The following FMNL2 variants were observed in gnomAD, a reference collection of about 807,000 sequenced individuals.
FMNL2 encodes the protein formin-like protein 2.
A neutral mutation model predicts 130.2 loss-of-function variants in FMNL2; 51 were observed. The observed-to-expected ratio is 0.39, with a 90% CI of 0.31 to 0.49. FMNL2 has a LOEUF of 0.49. Among genes scored for constraint, FMNL2 ranks in the 20% least tolerant of loss-of-function variants. The probability of loss-of-function intolerance (pLI) is 0.85; values close to 1 mark genes in which losing one functional copy is unlikely to be tolerated. For missense variants in FMNL2, 977 were observed against 1,316.2 expected, an observed-to-expected ratio of 0.74 and a Z score of 3.99; for synonymous variants, 465 against 467.1, an observed-to-expected ratio of 1.00 and a Z score of 0.06.
intron 9 of FMNL2, among the ~76,000 whole-genome samples, chr2:152,586,250 C>T (rs1697069342): frequency 6.6e-6 from 1 of 152,160 alleles, no homozygotes; most frequent in South Asian, 2.1e-4. Flanking sequence ...CACTCGAGGC[C>T]ACCAGCACTC....
intron 1 of FMNL2, among the ~76,000 whole-genome samples, chr2:152,433,247 G>A (rs575623026): frequency 6.6e-6 from 1 of 152,222 alleles, no homozygotes; most frequent in Admixed American, 6.5e-5. Flanking sequence ...AAGAATATGA[G>A]AATAATTTTA....
chr2:152,483,553 C>G (rs1219263734), intron 1 of FMNL2, among the ~76,000 whole-genome samples: 1 of 152,126 alleles, frequency 6.6e-6, no homozygotes, highest in Non-Finnish European at 1.5e-5. Context: ...GGTATGAGCC[C>G]TTAAAAAAAT....
chr2:152,649,805 T>TTA lies in FMNL2; in HGVS notation c.*1900_*1901insTA, dbSNP rs1279313464. On this transcript the variant is annotated 3_prime_UTR_variant, in exon 26 of 26. Transcript: ENST00000288670. Reference sequence around the variant, plus strand: ...GGTCTTTTCATGGCATATGAGCAAATAATAAACTATTTACACTACTATTCT... The same window carrying TTA: ...GGTCTTTTCATGGCATATGAGCAAATTAAATAAACTATTTACACTACTATTCT... 3 of 152,642 alleles carry TTA rather than the reference T, an allele frequency of 2.0e-5. No individual in the cohort carries two copies. The highest frequency in any genetic ancestry group is 7.2e-5 in the African/African-American group (3 of 41,470). 9.5% of individuals were successfully genotyped at this position (152,642 alleles called of 1,614,324 possible).
chr2:152,632,716 A>G (rs1246070960), intron 21 of FMNL2, among the ~76,000 whole-genome samples: 2 of 152,228 alleles, frequency 1.3e-5, no homozygotes, highest in African/African-American at 2.4e-5. Flanking sequence ...CCAAAGTCAC[A>G]TGAGTAGAAA....
chr2:152,431,965 T>TAAAAAAAAAAAAAA lies in FMNL2; in HGVS notation c.118-89971_118-89958dup, dbSNP rs60639670. 2.8e-4 allele frequency among the ~76,000 whole-genome samples: 23 copies of TAAAAAAAAAAAAAA among 82,140 alleles called. 1 individual carries two copies. The highest frequency in any genetic ancestry group is 9.6e-4 in the African/African-American group (15 of 15,626). The allele number at this position is 82,140 out of a possible 152,430, so 53.9% of individuals were successfully genotyped here. A position where few individuals can be genotyped will look rare whatever the true frequency, so the allele number is the denominator to read the frequency against. On this transcript the variant is annotated intron_variant, in intron 1 of 25. Coordinates refer to ENST00000288670, the MANE Select transcript of FMNL2 (RefSeq NM_052905.4). ...GGGCAACAGAGTGAAACCCTATCTT[T>TAAAAAAAAAAAAAA]AAAAAAAAAAAAAAAAAAAAGATTT...
At chr2:152,589,496 G>C (rs1189625675) in intron 9 of FMNL2, among the ~76,000 whole-genome samples, 1 of 152,198 alleles carries the variant, frequency 6.6e-6, no homozygotes, top group African/African-American at 2.4e-5. Context: ...AAAGCAGTGA[G>C]AGCTGAGTGT....
At chr2:152,570,010 C>CAAT (rs1553478850) in intron 6 of FMNL2, among the ~76,000 whole-genome samples, 1 of 145,916 alleles carries the variant, frequency 6.9e-6, no homozygotes, top group African/African-American at 2.5e-5. Context: ...GACTCTGTCT[C>CAAT]AAAAAAAAAA....
intron 9 of FMNL2, among the ~76,000 whole-genome samples, chr2:152,585,231 T>C (rs1370419657): frequency 6.6e-6 from 1 of 152,126 alleles, no homozygotes; most frequent in African/African-American, 2.4e-5. Context: ...TTAACGAAAA[T>C]TTATGGTCTT....
At chr2:152,456,288 G>C (rs1688950175) in intron 1 of FMNL2, among the ~76,000 whole-genome samples, 1 of 152,208 alleles carries the variant, frequency 6.6e-6, no homozygotes, top group South Asian at 2.1e-4. Flanking sequence ...TTTGGTAGAT[G>C]AGGTTGAAAA....
Position 152,614,967 on chromosome 2 carries a change from GA to G in FMNL2, c.1180del (p.Arg394GlyfsTer58). On this transcript the variant is annotated frameshift_variant, in exon 12 of 26. Transcript: ENST00000288670. LOFTEE classifies it high-confidence loss of function. Reference sequence around the variant, plus strand: ...CTGAAACTAAGAATGCTGCCTTGGAGAGGGTGGAAGAACTGGAAGAAAACAT... The same window carrying G: ...CTGAAACTAAGAATGCTGCCTTGGAGGGGTGGAAGAACTGGAAGAAAACAT... ...DAETKNAALE[R>X]VEELEENISH... 1 of 1,612,222 alleles carries G rather than the reference GA, an allele frequency of 6.2e-7. No individual in the cohort carries two copies. Among genetic ancestry groups the G allele is most frequent in the South Asian group, 1.1e-5 (1 of 90,728 alleles).
Position 152,640,066 on chromosome 2 carries a change from G to GATCCAAAGAAGA in FMNL2, c.3045+10_3045+11insATCCAAAGAAGA. ...GCAGCAGGATCCAAAGGTAAGAAGT[G>GATCCAAAGAAGA]CCGCACTCATGAGACAGGTCCGTGA... On this transcript the variant is annotated intron_variant, in intron 24 of 25. Coordinates refer to ENST00000288670, the MANE Select transcript of FMNL2 (RefSeq NM_052905.4). The GATCCAAAGAAGA allele has an allele frequency of 6.5e-7, 1 of 1,543,918 alleles. No homozygotes were observed. The highest frequency in any genetic ancestry group is 1.4e-5 in the African/African-American group (1 of 72,492).
chr2:152,444,523 C>T (rs1018969058), intron 1 of FMNL2, among the ~76,000 whole-genome samples: 19 of 152,134 alleles, frequency 1.2e-4, no homozygotes, highest in African/African-American at 3.9e-4. Context: ...ATTCCTGGGG[C>T]AGGCAGGATA....
At chr2:152,592,275 A>G (rs1241525509) in intron 9 of FMNL2, among the ~76,000 whole-genome samples, 1 of 152,244 alleles carries the variant, frequency 6.6e-6, no homozygotes, top group Non-Finnish European at 1.5e-5. Flanking sequence ...TTATATTTTT[A>G]TACCTAATTG....
chr2:152,643,657 A>C (rs1209636037), intron 25 of FMNL2: 6 of 1,455,444 alleles, frequency 4.1e-6, no homozygotes, highest in Non-Finnish European at 5.4e-6. Context: ...TGTTGTTCTC[A>C]TGCTGCATGG....
chr2:152,375,387 A>G (rs1053329090), intron 1 of FMNL2, among the ~76,000 whole-genome samples: 8 of 152,262 alleles, frequency 5.3e-5, no homozygotes, highest in Non-Finnish European at 8.8e-5. Context: ...CATGCCTGGT[A>G]GGTTATGAGG....
intron 15 of FMNL2, 140 bp from the exon 16 acceptor site, chr2:152,625,298 G>C (rs990918669): frequency 9.3e-6 from 9 of 970,136 alleles, no homozygotes; most frequent in East Asian, 2.6e-5. Flanking sequence ...TTGTTTTCCA[G>C]CTTTAAAAAC....
intron 1 of FMNL2, among the ~76,000 whole-genome samples, chr2:152,347,980 T>C (rs1465942348): frequency 2.0e-5 from 3 of 151,802 alleles, no homozygotes; most frequent in Non-Finnish European, 4.4e-5. Flanking sequence ...ATTAGGCCTG[T>C]GCTTTCTCTC....
At chr2:152,349,715 T>C (rs184142242) in intron 1 of FMNL2, among the ~76,000 whole-genome samples, 3 of 152,222 alleles carry the variant, frequency 2.0e-5, no homozygotes, top group East Asian at 1.9e-4. Flanking sequence ...TAGATGTAGA[T>C]ATGCTAAGGG....
intron 1 of FMNL2, among the ~76,000 whole-genome samples, chr2:152,485,081 G>A (rs1690742031): frequency 6.6e-6 from 1 of 152,242 alleles, no homozygotes; most frequent in South Asian, 2.1e-4. Context: ...TCTGGGGCTG[G>A]GCATGGTGGC....
Sources: gnomAD v4.1 joint callset for allele counts (sites outside exome capture counted in the v4.1 genomes callset) on GRCh38, gnomAD v4.1.1 for gene constraint, MANE v1.5 for transcripts, NCBI Gene and HGNC (gene_info 2026-07-23, HGNC 2026-07-21) for gene names.